The following NOD1 variants were observed in gnomAD, a reference collection of about 807,000 sequenced individuals.
NOD1 encodes nucleotide-binding oligomerization domain-containing protein 1.
A neutral mutation model predicts 81.2 loss-of-function variants in NOD1; 70 were observed. That is an observed-to-expected ratio of 0.86 (90% CI 0.71 to 1.05). The LOEUF (loss-of-function observed/expected upper bound fraction) is 1.05. NOD1 is among the 50% of genes least tolerant of loss of function. NOD1 has a pLI of 0.00. For missense variants in NOD1, 1,233 were observed against 1,228.0 expected (o/e 1.00, Z -0.06); for synonymous variants, 508 against 526.9 (o/e 0.96, Z 0.49).
At position 30,427,887 on chromosome 7, in the gene NOD1, C is replaced by T. The variant is rs1373655840; in HGVS notation, c.2789+1487G>A. Among the ~76,000 whole-genome samples, 5 of 152,184 alleles carry T rather than the reference C, an allele frequency of 3.3e-5. No homozygotes were observed. The East Asian group carries it at 9.6e-4, about 29-fold the overall frequency. On this transcript the variant is annotated intron_variant, in intron 13 of 13. Transcript: ENST00000222823. ...TAGTCTGGCAGTCTCCTTCCTCTCC[C>T]CCTCTGCCTGCTGTCCTCAAAACTT... is the stretch of plus-strand genomic sequence containing the variant.
intron 9 of NOD1, among the ~76,000 whole-genome samples, chr7:30,439,703 T>C (rs1286730056): frequency 9.9e-6 from 1 of 100,700 alleles, no homozygotes; most frequent in Non-Finnish European, 1.9e-5. Context: ...TAGCCCAGGC[T>C]TGCTTAGGTA....
Position 30,452,584 on chromosome 7 carries a change from A to C in NOD1, c.833T>G (p.Val278Gly), listed in dbSNP as rs1333205417. 1 of 1,613,566 alleles carries C rather than the reference A, an allele frequency of 6.2e-7. No individual in the cohort carries two copies. Among genetic ancestry groups the C allele is most frequent in the Non-Finnish European group, 8.5e-7 (1 of 1,179,994 alleles). ...CAGGCCATCGAAGGTGAAGAGGGCC[A>C]CGTGGGGGAAGCGCAGCAGGAAGGC... ...VFAFLLRFPH[V>G]ALFTFDGLDE... is the part of the protein sequence containing the mutation. Residue 278 changes from valine (V) to glycine (G), a missense_variant, in exon 6 of 14, where the codon GTG (valine) becomes GGG (glycine). Coordinates refer to ENST00000222823, the MANE Select transcript of NOD1 (RefSeq NM_006092.4).
Position 30,425,722 on chromosome 7 carries a change from G to A in NOD1, c.2790-12C>T, listed in dbSNP as rs1783386902. 2.5e-6 allele frequency: 4 copies of A among 1,602,668 alleles called. No individual in the cohort carries two copies. The highest frequency in any genetic ancestry group is 3.4e-6 in the Non-Finnish European group (4 of 1,169,604). ...GGTTTCCATTTAGGCTGTTGAAAAGGAGGAAGACAAAAGTACACAGGTAAA... is the reference window on the plus strand; with the variant it reads ...GGTTTCCATTTAGGCTGTTGAAAAGAAGGAAGACAAAAGTACACAGGTAAA... On this transcript the variant is annotated splice_polypyrimidine_tract_variant and intron_variant, in intron 13 of 13. Coordinates refer to ENST00000222823, the MANE Select transcript of NOD1 (RefSeq NM_006092.4).
intron 1 of NOD1, among the ~76,000 whole-genome samples, chr7:30,466,359 G>A (rs1787689614): frequency 6.6e-6 from 1 of 151,964 alleles, no homozygotes; most frequent in Non-Finnish European, 1.5e-5. Flanking sequence ...ATTTATCAAT[G>A]TGCAATTTTT....
At chr7:30,472,181 A>C (rs975077221) in intron 1 of NOD1, among the ~76,000 whole-genome samples, 7 of 152,212 alleles carry the variant, frequency 4.6e-5, no homozygotes, top group Admixed American at 3.9e-4. Flanking sequence ...CGCACTTCAG[A>C]ATAAAATCCC....
chr7:30,460,224 T>C, intron 1 of NOD1, 183 bp from the exon 2 acceptor site: 4 of 985,182 alleles, frequency 4.1e-6, no homozygotes, highest in Non-Finnish European at 4.8e-6. Flanking sequence ...AAACAGAATC[T>C]AAGGGTAGAC....
rs1478323973 is a variant in NOD1 at position 30,425,448 on chromosome 7, T to C, written c.*190A>G. Reference sequence around the variant, plus strand: ...GACACATTCTTTTTCTGCAGAATTGTAGCGGGTACTTAGGGAGTTTGCCGA... The same window carrying C: ...GACACATTCTTTTTCTGCAGAATTGCAGCGGGTACTTAGGGAGTTTGCCGA... On this transcript the variant is annotated 3_prime_UTR_variant, in exon 14 of 14. Transcript: ENST00000222823. 1 of 609,088 alleles carries C rather than the reference T, an allele frequency of 1.6e-6. No homozygotes were observed. The highest frequency in any genetic ancestry group is 2.9e-6 in the Non-Finnish European group (1 of 339,016). 37.7% of individuals were successfully genotyped at this position (609,088 alleles called of 1,614,324 possible).
At chr7:30,464,352 CAG>C (rs1399314608) in intron 1 of NOD1, among the ~76,000 whole-genome samples, 2 of 152,202 alleles carry the variant, frequency 1.3e-5, no homozygotes, top group South Asian at 2.1e-4. Flanking sequence ...TGGGCAGGGG[CAG>C]AGAGTGGTGG....
chr7:30,459,467 C>T (rs1234191296), intron 2 of NOD1, among the ~76,000 whole-genome samples: 1 of 152,124 alleles, frequency 6.6e-6, no homozygotes, highest in Non-Finnish European at 1.5e-5. Context: ...ATTTGCTTAA[C>T]CTTTTGCTTT....
At chr7:30,475,191 G>A (rs1199033594) in intron 1 of NOD1, among the ~76,000 whole-genome samples, 1 of 152,188 alleles carries the variant, frequency 6.6e-6, no homozygotes, top group Non-Finnish European at 1.5e-5. Flanking sequence ...TTAGCAATAT[G>A]TGACTGCCAG....
Position 30,447,058 on chromosome 7 carries a change from A to T in NOD1, c.2286-8T>A. 1 of 1,613,916 alleles carries T rather than the reference A, an allele frequency of 6.2e-7. No individual in the cohort carries two copies. The highest frequency in any genetic ancestry group is 8.5e-7 in the Non-Finnish European group (1 of 1,179,800). ...ATCTGGTTGTTGTATAAACTTCAAGAGAAAGCACAGCCATGAGACTTTCTG... is the reference window on the plus strand; with the variant it reads ...ATCTGGTTGTTGTATAAACTTCAAGTGAAAGCACAGCCATGAGACTTTCTG... On this transcript the variant is annotated splice_region_variant and splice_polypyrimidine_tract_variant and intron_variant, in intron 7 of 13. Coordinates refer to ENST00000222823, the MANE Select transcript of NOD1 (RefSeq NM_006092.4).
chr7:30,465,641 G>T (rs1443823850), intron 1 of NOD1, among the ~76,000 whole-genome samples: 1 of 151,332 alleles, frequency 6.6e-6, no homozygotes, highest in Non-Finnish European at 1.5e-5. Context: ...CCAATTGTTG[G>T]GAATCATTAT....
At chr7:30,437,775 G>A in intron 9 of NOD1, 119 bp from the exon 10 acceptor site, 2 of 661,380 alleles carry the variant, frequency 3.0e-6, no homozygotes, top group Middle Eastern at 2.4e-4. Context: ...TTTGTGCCCA[G>A]TCCCTGGATC....
rs1785815276 is a variant in NOD1 at position 30,452,229 on chromosome 7, G to A, written c.1188C>T (p.Ile396=). The A allele has an allele frequency of 1.9e-6, 3 of 1,613,746 alleles. No individual in the cohort carries two copies. Among genetic ancestry groups the A allele is most frequent in the African/African-American group, 2.7e-5 (2 of 74,926 alleles). Reference sequence around the variant, plus strand: ...GGAAGTGCTGGAAGCACCGGAAGATGATCCAGCAGAAGAGGGGCACAGAGC... The same window carrying A: ...GGAAGTGCTGGAAGCACCGGAAGATAATCCAGCAGAAGAGGGGCACAGAGC... ...SLCSVPLFCW[I]IFRCFQHFRA... Residue 396 remains isoleucine (I), a synonymous_variant, in exon 6 of 14, where the codon ATC becomes ATT. Transcript: ENST00000222823.
At position 30,451,559 on chromosome 7, in the gene NOD1, G is replaced by C; in HGVS notation, c.1858C>G (p.Leu620Val). The C allele has an allele frequency of 6.2e-7, 1 of 1,613,420 alleles. No individual in the cohort carries two copies. The highest frequency in any genetic ancestry group is 8.5e-7 in the Non-Finnish European group (1 of 1,179,896). Residue 620 changes from leucine (L) to valine (V), a missense_variant, in exon 6 of 14, where the codon CTG becomes GTG. Coordinates refer to ENST00000222823, the MANE Select transcript of NOD1 (RefSeq NM_006092.4). This position sits in a 1 kb window ranked among gnomAD's most constrained non-coding sequence, Gnocchi z 4.2. ...AGGCTGGAAAACAGGTGTGCCCACA[G>C]GGCCTTGCGCTTTCTCCTCAGGGCT... ...AAALRRKRKA[L>V]WAHLFSSLRG...
chr7:30,435,402 C>T (rs1269869642), intron 11 of NOD1, among the ~76,000 whole-genome samples: 1 of 152,124 alleles, frequency 6.6e-6, no homozygotes, highest in East Asian at 1.9e-4. Context: ...CTGAAGGTAT[C>T]CAAGGATACC....
intron 4 of NOD1, 60 bp downstream of exon 4, chr7:30,456,661 A>T: frequency 6.9e-7 from 1 of 1,453,900 alleles, no homozygotes; most frequent in Non-Finnish European, 9.6e-7. Context: ...CAGCAGGGAG[A>T]GGCCTCTTCT....
At chr7:30,459,845 T>C (rs772181156) in intron 2 of NOD1, 56 bp downstream of exon 2, 2 of 152,620 alleles carry the variant, frequency 1.3e-5, no homozygotes, top group Non-Finnish European at 2.9e-5. Flanking sequence ...ACAGCTTCCT[T>C]CATCCCTCCT....
At chr7:30,447,559 T>C (rs1583726931) in intron 7 of NOD1, 1 of 178,804 alleles carries the variant, frequency 5.6e-6, no homozygotes, top group Non-Finnish European at 1.2e-5. Context: ...CTTCCAGGGT[T>C]CCACAGCCAC....
Sources: gnomAD v4.1 joint callset for allele counts (sites outside exome capture counted in the v4.1 genomes callset) on GRCh38, gnomAD v4.1.1 for gene constraint, Gnocchi (gnomAD v3.1) non-coding constraint, MANE v1.5 for transcripts, NCBI Gene and HGNC (gene_info 2026-07-23, HGNC 2026-07-21) for gene names.